The following MAD1L1 variants were observed in gnomAD, a reference collection of about 807,000 sequenced individuals.
The protein encoded by MAD1L1 is mitotic arrest deficient 1 like 1.
In MAD1L1, 95 loss-of-function variants were observed where a neutral mutation model predicts 96.9. The observed-to-expected ratio is 0.98, with a 90% confidence interval of 0.83 to 1.16. The LOEUF (loss-of-function observed/expected upper bound fraction) is 1.16, where lower values mean the gene tolerates loss of function less well. Among genes scored for constraint, MAD1L1 ranks in the 50% most tolerant of loss-of-function variants. MAD1L1 has a pLI of 0.00. For missense variants in MAD1L1, 1,007 were observed against 954.4 expected (o/e 1.06, Z -0.73); for synonymous variants, 473 against 396.6 (o/e 1.19, Z -2.29).
intron 12 of MAD1L1, among the ~76,000 whole-genome samples, chr7:2,020,676 C>G (rs1019197539): frequency 6.6e-6 from 1 of 152,092 alleles, no homozygotes; most frequent in Non-Finnish European, 1.5e-5. Flanking sequence ...AGGAAAACAT[C>G]GGACGGACTT....
At chr7:2,219,554 C>T in intron 5 of MAD1L1, 98 bp from the exon 6 acceptor site, 1 of 1,348,904 alleles carries the variant, frequency 7.4e-7, no homozygotes, top group Non-Finnish European at 1.0e-6. Context: ...GGCGACACCA[C>T]CCACGTGCTA....
chr7:2,079,936 C>G (rs752704438), intron 11 of MAD1L1: 22 of 364,842 alleles, frequency 6.0e-5, no homozygotes, highest in Non-Finnish European at 1.1e-5. Flanking sequence ...CCTGGAGTGA[C>G]GCAGAGAGGC....
chr7:2,066,627 G>A (rs1365779919), intron 12 of MAD1L1, among the ~76,000 whole-genome samples: 2 of 152,216 alleles, frequency 1.3e-5, no homozygotes, highest in Non-Finnish European at 2.9e-5. Flanking sequence ...AGCGGGCCGG[G>A]GTGGCCATCA....
intron 13 of MAD1L1, among the ~76,000 whole-genome samples, chr7:2,007,417 C>T (rs1348811605): frequency 6.6e-6 from 1 of 152,252 alleles, no homozygotes; most frequent in Non-Finnish European, 1.5e-5. Flanking sequence ...CCCGGTGGCT[C>T]ACGCCTGGAA....
At chr7:2,110,478 C>T (rs1207975627) in intron 11 of MAD1L1, among the ~76,000 whole-genome samples, 1 of 152,218 alleles carries the variant, frequency 6.6e-6, no homozygotes, top group East Asian at 1.9e-4. Flanking sequence ...TCTATTAATA[C>T]AGCCTGAGAC....
At chr7:2,210,371 A>G (rs1792851398) in intron 10 of MAD1L1, among the ~76,000 whole-genome samples, 1 of 152,204 alleles carries the variant, frequency 6.6e-6, no homozygotes, top group African/African-American at 2.4e-5. Flanking sequence ...GTGCGCAGCC[A>G]GAAATGCACA....
At chr7:1,886,236 T>C (rs1040540593) in intron 18 of MAD1L1, among the ~76,000 whole-genome samples, 2 of 152,306 alleles carry the variant, frequency 1.3e-5, no homozygotes, top group Admixed American at 6.5e-5. Context: ...TAAGTACCCC[T>C]CCAAGAGCCT....
chr7:2,069,495 T>C (rs554569312), intron 11 of MAD1L1, among the ~76,000 whole-genome samples, 157 bp from the exon 12 acceptor site: 1 of 152,236 alleles, frequency 6.6e-6, no homozygotes, highest in South Asian at 2.1e-4. Flanking sequence ...AATAGCTACT[T>C]AAGGCCTTTC....
At position 2,149,278 on chromosome 7, in the gene MAD1L1, C is replaced by T; in HGVS notation, c.987-40G>A. 3 of 1,526,512 alleles carry T rather than the reference C, an allele frequency of 2.0e-6. No individual in the cohort carries two copies. The African/African-American group carries it at 4.1e-5, about 21-fold the overall frequency. 94.6% of individuals were successfully genotyped at this position (1,526,512 alleles called of 1,614,324 possible). On this transcript the variant is annotated intron_variant, in intron 10 of 18. Coordinates refer to ENST00000265854, the MANE Select transcript of MAD1L1 (RefSeq NM_001013836.2). ...AGGCACACTCAGTTCCAGCTGTCCCCGAGAAGTAAACCTGATTCTGCACAC... is the reference window on the plus strand; with the variant it reads ...AGGCACACTCAGTTCCAGCTGTCCCTGAGAAGTAAACCTGATTCTGCACAC...
chr7:1,953,206 G>A (rs149258619), intron 16 of MAD1L1, among the ~76,000 whole-genome samples: 144 of 152,326 alleles, frequency 9.5e-4, no homozygotes, highest in Middle Eastern at 3.4e-3. Flanking sequence ...GCCTGCTGGT[G>A]CAGACGGGAG....
rs1028669840 is a variant in MAD1L1, at chr7:2,154,636, A to G, written c.987-5398T>C. ...AAATATTATGTATAAAAATAAATAA[A>G]TGGTAAATAAATAAATAAAAGAAAA... On this transcript the variant is annotated intron_variant, in intron 10 of 18. Coordinates refer to ENST00000265854, the MANE Select transcript of MAD1L1 (RefSeq NM_001013836.2). Among the ~76,000 whole-genome samples the G allele has an allele frequency of 3.3e-5, 5 of 152,354 alleles. No individual in the cohort carries two copies. In the South Asian group the frequency reaches 1.0e-3, roughly 32 times the overall value.
chr7:1,911,748 C>T lies in MAD1L1; in HGVS notation c.1808-13358G>A, dbSNP rs538828914. 2.0e-5 allele frequency among the ~76,000 whole-genome samples: 3 copies of T among 152,228 alleles called. No homozygotes were observed. The South Asian group carries it at 6.2e-4, about 32-fold the overall frequency. On this transcript the variant is annotated intron_variant, in intron 17 of 18. Coordinates refer to ENST00000265854, the MANE Select transcript of MAD1L1 (RefSeq NM_001013836.2). ...AGTCTGGCGTCACCTCCAGATGAGG[C>T]CCCTCTTGGGCATCCCAACCCTCTC...
chr7:1,869,793 C>T (rs567733561), intron 18 of MAD1L1, among the ~76,000 whole-genome samples: 18 of 152,322 alleles, frequency 1.2e-4, no homozygotes, highest in Admixed American at 5.2e-4. Context: ...ACTGTCCCTG[C>T]AGGAGGTGAT....
intron 11 of MAD1L1, among the ~76,000 whole-genome samples, chr7:2,133,446 G>A (rs1350517074): frequency 6.6e-6 from 1 of 152,246 alleles, no homozygotes; most frequent in Non-Finnish European, 1.5e-5. Context: ...TTGGATAACA[G>A]CCCTTATCAG....
chr7:1,950,504 G>C (rs1251951227), intron 16 of MAD1L1, among the ~76,000 whole-genome samples: 1 of 152,236 alleles, frequency 6.6e-6, no homozygotes, highest in East Asian at 1.9e-4. Context: ...GTAATCTGCG[G>C]AGGGCGACTT....
At chr7:2,135,677 C>A (rs1788714410) in intron 11 of MAD1L1, among the ~76,000 whole-genome samples, 1 of 152,196 alleles carries the variant, frequency 6.6e-6, no homozygotes, top group Admixed American at 6.5e-5. Flanking sequence ...CTCACAGCGA[C>A]CCTCGGGACA....
chr7:1,897,559 G>C (rs941143617), intron 18 of MAD1L1, among the ~76,000 whole-genome samples: 9 of 152,180 alleles, frequency 5.9e-5, no homozygotes, highest in Admixed American at 2.0e-4. Flanking sequence ...GGTCCAAGTG[G>C]GGCCACCTCC....
At chr7:2,084,475 G>C (rs1006735084) in intron 11 of MAD1L1, among the ~76,000 whole-genome samples, 3 of 152,256 alleles carry the variant, frequency 2.0e-5, no homozygotes, top group African/African-American at 7.2e-5. Context: ...TGCCGGGGAC[G>C]AGGGAGCAGG....
At chr7:1,922,235 C>T (rs983595644) in intron 17 of MAD1L1, among the ~76,000 whole-genome samples, 1 of 152,260 alleles carries the variant, frequency 6.6e-6, no homozygotes, top group Non-Finnish European at 1.5e-5. Context: ...CCTGGCCGCG[C>T]CGCGTCTTTA....
Sources: gnomAD v4.1 joint callset for allele counts (sites outside exome capture counted in the v4.1 genomes callset) on GRCh38, gnomAD v4.1.1 for gene constraint, MANE v1.5 for transcripts, NCBI Gene and HGNC (gene_info 2026-07-23, HGNC 2026-07-21) for gene names.